The following CFAP299 variants were observed in gnomAD, a reference collection of about 807,000 sequenced individuals.
CFAP299 encodes the protein cilia- and flagella-associated protein 299.
A neutral mutation model predicts 27.0 loss-of-function variants in CFAP299; 21 were observed. That is an observed-to-expected ratio of 0.78 (90% CI 0.55 to 1.12). The LOEUF (loss-of-function observed/expected upper bound fraction) is 1.12, where lower values mean the gene tolerates loss of function less well. Ranked by LOEUF, CFAP299 falls within the 50% of genes most tolerant of loss-of-function variation. The pLI, the probability that CFAP299 is intolerant of heterozygous loss-of-function variation, is 0.00. For missense variants in CFAP299, 310 were observed against 276.6 expected (o/e 1.12, Z -0.86); for synonymous variants, 104 against 98.1 (o/e 1.06, Z -0.36).
intron 3 of CFAP299, among the ~76,000 whole-genome samples, chr4:80,799,727 TA>T (rs1264625644): frequency 1.9e-5 from 1 of 52,726 alleles, no homozygotes; most frequent in Non-Finnish European, 3.1e-5. Flanking sequence ...TTATATTTTA[TA>T]AATATATATA....
At chr4:80,549,008 CAT>C (rs566471026) in intron 2 of CFAP299, among the ~76,000 whole-genome samples, 1 of 152,064 alleles carries the variant, frequency 6.6e-6, no homozygotes, top group African/African-American at 2.4e-5. Context: ...AAAATCATCA[CAT>C]GTTTCAAGCA....
chr4:80,656,450 C>G (rs1740560989), intron 3 of CFAP299, among the ~76,000 whole-genome samples: 1 of 152,024 alleles, frequency 6.6e-6, no homozygotes, highest in Non-Finnish European at 1.5e-5. Context: ...TGTTCAACTC[C>G]CACTTATGAG....
chr4:80,946,843 A>C (rs1436424034), intron 5 of CFAP299, among the ~76,000 whole-genome samples: 1 of 152,192 alleles, frequency 6.6e-6, no homozygotes, highest in Non-Finnish European at 1.5e-5. Flanking sequence ...AAAACTTAAT[A>C]AATAGCATTT....
intron 1 of CFAP299, among the ~76,000 whole-genome samples, chr4:80,350,857 G>A (rs1257417645): frequency 6.6e-6 from 1 of 151,990 alleles, no homozygotes; most frequent in African/African-American, 2.4e-5. Context: ...CTAGATGATG[G>A]ATTGATAGGT....
At chr4:80,793,327 T>C (rs1229970593) in intron 3 of CFAP299, among the ~76,000 whole-genome samples, 1 of 152,058 alleles carries the variant, frequency 6.6e-6, no homozygotes, top group Non-Finnish European at 1.5e-5. Context: ...CACGTTTTTC[T>C]GCCTGCTTTA....
intron 1 of CFAP299, among the ~76,000 whole-genome samples, chr4:80,342,920 T>C (rs1722525574): frequency 6.6e-6 from 1 of 152,168 alleles, no homozygotes; most frequent in South Asian, 2.1e-4. Flanking sequence ...TATGCTGTAT[T>C]CAAGAGACCC....
chr4:80,716,760 CT>C (rs1212925057), intron 3 of CFAP299, among the ~76,000 whole-genome samples: 1 of 152,062 alleles, frequency 6.6e-6, no homozygotes, highest in African/African-American at 2.4e-5. Context: ...TTAGTTGAAT[CT>C]GAATATGTAT....
the CFAP299 span, among the ~76,000 whole-genome samples, chr4:80,327,032 C>G: frequency 6.6e-6 from 1 of 152,104 alleles, no homozygotes; most frequent in East Asian, 1.9e-4. Context: ...GATCACTAGG[C>G]AGACGTTATC....
intron 2 of CFAP299, among the ~76,000 whole-genome samples, chr4:80,495,366 T>C (rs753145023): frequency 4.6e-5 from 7 of 152,338 alleles, no homozygotes; most frequent in South Asian, 2.1e-4. Context: ...ATTCAGACAT[T>C]TAGCAGCCAA....
intron 3 of CFAP299, among the ~76,000 whole-genome samples, chr4:80,595,278 A>G (rs1304449027): frequency 7.2e-6 from 1 of 139,440 alleles, no homozygotes; most frequent in African/African-American, 3.4e-5. Flanking sequence ...TAGCACAGAT[A>G]TATTTCCCCC....
At chr4:80,448,865 A>C (rs1728764926) in intron 2 of CFAP299, among the ~76,000 whole-genome samples, 1 of 152,218 alleles carries the variant, frequency 6.6e-6, no homozygotes, top group Non-Finnish European at 1.5e-5. Context: ...ACATTTTTCT[A>C]AATGAAAGTG....
intron 3 of CFAP299, among the ~76,000 whole-genome samples, chr4:80,761,045 T>C (rs2110077788): frequency 6.6e-6 from 1 of 152,342 alleles, no homozygotes; most frequent in South Asian, 2.1e-4. Context: ...AATTGGGCTA[T>C]AAATGTATTT....
intron 2 of CFAP299, among the ~76,000 whole-genome samples, chr4:80,571,273 A>AG (rs1254344085): frequency 8.5e-5 from 13 of 152,144 alleles, no homozygotes; most frequent in Admixed American, 8.5e-4. Flanking sequence ...ATTCAAGATA[A>AG]GGAAGTTTTT....
rs1042877469 is a variant in CFAP299 at position 80,591,933 on chromosome 4, C to A, written c.333+8750C>A. ...AGAGAGAATAATCATTTAGTAGAAT[C>A]CTTTTGTGGGAACAGATTTTTACTA... On this transcript the variant is annotated intron_variant, in intron 3 of 5. Coordinates refer to ENST00000358105, the MANE Select transcript of CFAP299 (RefSeq NM_152770.3). 3.3e-5 allele frequency among the ~76,000 whole-genome samples: 5 copies of A among 152,264 alleles called. No individual in the cohort carries two copies. In the South Asian group the frequency reaches 1.0e-3, roughly 32 times the overall value.
chr4:80,373,220 C>G (rs1329188453), intron 2 of CFAP299, among the ~76,000 whole-genome samples: 2 of 152,032 alleles, frequency 1.3e-5, no homozygotes. Flanking sequence ...ATCTGACCCC[C>G]ATAAGCTTCC....
rs574418448 is a variant in CFAP299 at position 80,562,693 on chromosome 4, T to TAATAATAAC, written c.243-20398_243-20397insTAATAACAA. On this transcript the variant is annotated intron_variant, in intron 2 of 5. Coordinates refer to ENST00000358105, the MANE Select transcript of CFAP299 (RefSeq NM_152770.3). ...ATAATAATAATAATAATAATAATAA[T>TAATAATAAC]AACAACAACAACATTGAATGTATAA... Among the ~76,000 whole-genome samples, 757 of 128,556 alleles carry TAATAATAAC rather than the reference T, an allele frequency of 5.9e-3. 1 individual carries two copies. The highest frequency in any genetic ancestry group is 0.017 in the African/African-American group (559 of 32,462). 84.3% of individuals were successfully genotyped at this position (128,556 alleles called of 152,430 possible).
intron 4 of CFAP299, among the ~76,000 whole-genome samples, chr4:80,941,360 GA>G (rs1458987382): frequency 6.6e-6 from 1 of 152,120 alleles, no homozygotes; most frequent in Non-Finnish European, 1.5e-5. Flanking sequence ...CTCAGTTTAA[GA>G]AACACTGTGC....
intron 4 of CFAP299, among the ~76,000 whole-genome samples, chr4:80,933,789 A>G (rs190840413): frequency 1.3e-5 from 2 of 152,072 alleles, no homozygotes; most frequent in African/African-American, 4.8e-5. Flanking sequence ...TATCCTGTAA[A>G]CTTACTGAAT....
chr4:80,449,618 T>C (rs1287997290), intron 2 of CFAP299, among the ~76,000 whole-genome samples: 1 of 151,730 alleles, frequency 6.6e-6, no homozygotes, highest in African/African-American at 2.4e-5. Context: ...TAAATTATGA[T>C]CATGTTATAT....
Sources: gnomAD v4.1 joint callset for allele counts (sites outside exome capture counted in the v4.1 genomes callset) on GRCh38, gnomAD v4.1.1 for gene constraint, MANE v1.5 for transcripts, NCBI Gene and HGNC (gene_info 2026-07-23, HGNC 2026-07-21) for gene names.